The following ATXN3 variants were observed in gnomAD, a reference collection of about 807,000 sequenced individuals.
ATXN3 encodes the protein ataxin-3.
A neutral mutation model predicts 58.2 loss-of-function variants in ATXN3; 28 were observed. The ratio of observed to expected loss-of-function variants is 0.48; its 90% CI spans 0.36 to 0.66. The LOEUF (loss-of-function observed/expected upper bound fraction) is 0.66. ATXN3 is among the 30% of genes least tolerant of loss of function. ATXN3 has a pLI of 0.00. For synonymous variants in ATXN3, 113 were observed against 138.5 expected (o/e 0.82, Z 1.29); for missense variants, 321 against 422.1 (o/e 0.76, Z 2.10).
chr14:92,057,150 G>A (rs1429706883), downstream of ATXN3, among the ~76,000 whole-genome samples: 1 of 152,188 alleles, frequency 6.6e-6, no homozygotes, highest in Non-Finnish European at 1.5e-5. Flanking sequence ...TAACCAGCCA[G>A]GCGAGGTGGC....
At chr14:92,092,722 G>A (rs973793905) in intron 5 of ATXN3, among the ~76,000 whole-genome samples, 1 of 151,600 alleles carries the variant, frequency 6.6e-6, no homozygotes, top group Non-Finnish European at 1.5e-5. Context: ...AAATTTATAA[G>A]GAAAACTGAT....
chr14:92,099,824 G>A (rs145887922), intron 1 of ATXN3, among the ~76,000 whole-genome samples: 3 of 152,048 alleles, frequency 2.0e-5, no homozygotes, highest in African/African-American at 7.2e-5. Flanking sequence ...AGCTGAGACT[G>A]CACCACTGCA....
intron 10 of ATXN3, among the ~76,000 whole-genome samples, chr14:92,064,983 C>T (rs994032332): frequency 6.6e-6 from 1 of 152,222 alleles, no homozygotes; most frequent in Non-Finnish European, 1.5e-5. Flanking sequence ...ATTGGCACAA[C>T]GTTATATGTA....
chr14:92,050,275 A>G (rs536563159), upstream of ATXN3: 6 of 152,284 alleles, frequency 3.9e-5, no homozygotes, highest in East Asian at 1.2e-3. Flanking sequence ...CATAAGGTTC[A>G]TTAAACTAGT....
At chr14:92,052,270 G>A (rs1158477716), upstream of ATXN3, among the ~76,000 whole-genome samples, 7 of 151,640 alleles carry the variant, frequency 4.6e-5, no homozygotes, top group African/African-American at 1.7e-4. Flanking sequence ...TGAGGCGGGC[G>A]GATCACCTGA....
intron 5 of ATXN3, among the ~76,000 whole-genome samples, chr14:92,089,021 C>T (rs1566960528): frequency 6.9e-6 from 1 of 144,564 alleles, no homozygotes; most frequent in Non-Finnish European, 1.5e-5. Context: ...CTATTAAATA[C>T]TTTTTTTTTT....
downstream of ATXN3, among the ~76,000 whole-genome samples, chr14:92,055,641 G>A (rs1479800829): frequency 6.6e-6 from 1 of 152,174 alleles, no homozygotes; most frequent in Non-Finnish European, 1.5e-5. The surrounding 1 kb of genome is among the most constrained non-coding windows in gnomAD (Gnocchi z 4.5). Context: ...GAAGCTCCTG[G>A]AAGATGTGTG....
In ATXN3 at chr14:92,060,059, C is replaced by CT. The variant is rs1266522559; in HGVS notation, c.*4260dup. 1 of 150,024 alleles carries CT rather than the reference C, an allele frequency of 6.7e-6. No individual in the cohort carries two copies. The highest frequency in any genetic ancestry group is 1.5e-5 in the Non-Finnish European group (1 of 67,532). The allele number at this position is 150,024 out of a possible 1,614,324, so 9.3% of individuals were successfully genotyped here. On this transcript the variant is annotated 3_prime_UTR_variant, in exon 11 of 11. Transcript: ENST00000644486. ...TACAGGTGCCCGCCACCATACCTGGCTTAAGTTTTGTATTTTTAGTAGAGA... is the reference window on the plus strand; with the variant it reads ...TACAGGTGCCCGCCACCATACCTGGCTTTAAGTTTTGTATTTTTAGTAGAGA...
rs766144891 is a variant in ATXN3 at position 92,062,197 on chromosome 14, T to C, written c.*2123A>G. 1.3e-5 allele frequency: 2 copies of C among 151,676 alleles called. No homozygotes were observed. Among genetic ancestry groups the C allele is most frequent in the Admixed American group, 6.6e-5 (1 of 15,216 alleles). 9.4% of individuals were successfully genotyped at this position (151,676 alleles called of 1,614,324 possible). ...GCTTGAACCCGGGAGGTGGAAGTTGTAGTGAGCCGAGATCATGCCACTGCC... is the reference window on the plus strand; with the variant it reads ...GCTTGAACCCGGGAGGTGGAAGTTGCAGTGAGCCGAGATCATGCCACTGCC... On this transcript the variant is annotated 3_prime_UTR_variant, in exon 11 of 11. Transcript: ENST00000644486.
At chr14:92,071,456 C>T (rs2059437327) in intron 9 of ATXN3, 4 of 348,562 alleles carry the variant, frequency 1.1e-5, no homozygotes, top group South Asian at 6.7e-5. Context: ...ATTAGCCAGG[C>T]GTGGTGGCAG....
At chr14:92,047,727 A>C (rs1195179137) in intron 2 of ATXN3, among the ~76,000 whole-genome samples, 1 of 152,216 alleles carries the variant, frequency 6.6e-6, no homozygotes, top group Non-Finnish European at 1.5e-5. Flanking sequence ...AAAAGAGTAC[A>C]TAAAAGAATG....
chr14:92,085,184 TA>T (rs201693494), intron 6 of ATXN3, among the ~76,000 whole-genome samples: 143 of 149,926 alleles, frequency 9.5e-4, no homozygotes, highest in Middle Eastern at 3.5e-3. Context: ...AGACTTCACA[TA>T]TTTTTTTTTT....
chr14:92,078,630 T>C (rs1486250749), intron 9 of ATXN3, among the ~76,000 whole-genome samples: 1 of 152,126 alleles, frequency 6.6e-6, no homozygotes, highest in Non-Finnish European at 1.5e-5. Context: ...CCCAAAGTGC[T>C]GGGATTACAG....
intron 9 of ATXN3, among the ~76,000 whole-genome samples, chr14:92,079,185 C>CAAAAAAAAAAAA (rs35515547): frequency 1.3e-5 from 1 of 77,058 alleles, no homozygotes; most frequent in Non-Finnish European, 2.6e-5. Context: ...GACTCCATCT[C>CAAAAAAAAAAAA]AAAAAAAAAA....
chr14:92,092,919 G>A (rs2064184215), intron 5 of ATXN3, among the ~76,000 whole-genome samples: 1 of 150,626 alleles, frequency 6.6e-6, no homozygotes, highest in South Asian at 2.1e-4. Flanking sequence ...CTGGGGTACA[G>A]TGACAAAATC....
At chr14:92,050,647 C>A (rs979956831), upstream of ATXN3, 1 of 152,258 alleles carries the variant, frequency 6.6e-6, no homozygotes, top group African/African-American at 2.4e-5. Context: ...GAAAACAGTT[C>A]ATCTGTTCTT....
chr14:92,088,697 G>A (rs770744771), intron 6 of ATXN3, 33 bp downstream of exon 6: 37 of 1,427,698 alleles, frequency 2.6e-5, no homozygotes, highest in Non-Finnish European at 3.5e-5. Context: ...TACTTCGAAA[G>A]GTAACATTAC....
intron 1 of ATXN3, among the ~76,000 whole-genome samples, chr14:92,097,891 A>T (rs1007907674): frequency 1.3e-5 from 2 of 152,148 alleles, no homozygotes; most frequent in Non-Finnish European, 2.9e-5. Flanking sequence ...ACATAGGTAC[A>T]TGCATTTTCA....
In ATXN3 at chr14:92,059,137, A is replaced by C. The variant is rs758956940; in HGVS notation, c.*5183T>G. On this transcript the variant is annotated 3_prime_UTR_variant, in exon 11 of 11. Transcript: ENST00000644486. Reference sequence around the variant, plus strand: ...TAAACATGCCAATTACGACAAATTTAGAAGTTACGTTATTAGCACTAATTC... The same window carrying C: ...TAAACATGCCAATTACGACAAATTTCGAAGTTACGTTATTAGCACTAATTC... 5 of 152,168 alleles carry C rather than the reference A, an allele frequency of 3.3e-5. No homozygotes were observed. The highest frequency in any genetic ancestry group is 7.3e-5 in the Non-Finnish European group (5 of 68,032). 9.4% of individuals were successfully genotyped at this position (152,168 alleles called of 1,614,324 possible).
Sources: allele counts gnomAD v4.1 joint callset (sites outside exome capture counted in the v4.1 genomes callset), GRCh38; gene constraint gnomAD v4.1.1; non-coding constraint Gnocchi (gnomAD v3.1); transcripts MANE v1.5; gene names NCBI Gene and HGNC (gene_info 2026-07-23, HGNC 2026-07-21).